Variants in NUDCD1 observed in about 807,000 individuals in gnomAD.
The protein encoded by NUDCD1 is nudC domain-containing protein 1.
Under a neutral mutation model 67.8 loss-of-function variants are expected in NUDCD1, and 60 were observed. The ratio of observed to expected loss-of-function variants is 0.88; its 90% CI spans 0.72 to 1.10. The LOEUF is 1.10. NUDCD1 is among the 50% of genes least tolerant of loss of function. NUDCD1 has a pLI of 0.00. For synonymous variants in NUDCD1, 244 were observed against 230.8 expected (o/e 1.06, Z -0.52); for missense variants, 643 against 695.0 (o/e 0.93, Z 0.84).
chr8:109,251,501 G>C (rs1813623613), intron 8 of NUDCD1, among the ~76,000 whole-genome samples: 1 of 152,020 alleles, frequency 6.6e-6, no homozygotes, highest in Non-Finnish European at 1.5e-5. Flanking sequence ...GTGAACTTTA[G>C]TAATTTTGCA....
intron 1 of NUDCD1, among the ~76,000 whole-genome samples, chr8:109,324,039 A>G (rs1358288836): frequency 6.6e-6 from 1 of 152,166 alleles, no homozygotes; most frequent in Non-Finnish European, 1.5e-5. Context: ...AGAAAAACAA[A>G]AAGACAAATG....
chr8:109,300,235 A>T (rs1452439894), intron 2 of NUDCD1, among the ~76,000 whole-genome samples: 4 of 152,180 alleles, frequency 2.6e-5, no homozygotes, highest in African/African-American at 9.7e-5. Flanking sequence ...CCAGCATTGA[A>T]TCCAAACCCA....
intron 8 of NUDCD1, among the ~76,000 whole-genome samples, chr8:109,259,142 C>T (rs993615379): frequency 6.6e-6 from 1 of 152,122 alleles, no homozygotes; most frequent in Non-Finnish European, 1.5e-5. Context: ...AAGCAAATAA[C>T]GCAAATAACC....
At chr8:109,296,043 G>A (rs1185330740) in intron 3 of NUDCD1, among the ~76,000 whole-genome samples, 2 of 152,112 alleles carry the variant, frequency 1.3e-5, no homozygotes, top group Non-Finnish European at 1.5e-5. Flanking sequence ...TGGCAGAGGA[G>A]AAAATCATCC....
At chr8:109,252,516 C>T (rs558701002) in intron 8 of NUDCD1, among the ~76,000 whole-genome samples, 1 of 152,228 alleles carries the variant, frequency 6.6e-6, no homozygotes, top group Admixed American at 6.5e-5. Context: ...CCCCTTTAAT[C>T]CAATTCTGAA....
At chr8:109,309,717 C>A (rs1815197769) in intron 2 of NUDCD1, among the ~76,000 whole-genome samples, 1 of 152,154 alleles carries the variant, frequency 6.6e-6, no homozygotes, top group Non-Finnish European at 1.5e-5. Flanking sequence ...CCTAAAGACT[C>A]CTCCAGAAAG....
intron 1 of NUDCD1, among the ~76,000 whole-genome samples, chr8:109,326,726 T>A (rs1193866542): frequency 6.6e-6 from 1 of 152,174 alleles, no homozygotes; most frequent in Non-Finnish European, 1.5e-5. Flanking sequence ...CCTCAAAACC[T>A]AGTTTTTCAC....
At chr8:109,296,724 A>C (rs957729964) in intron 2 of NUDCD1, among the ~76,000 whole-genome samples, 155 bp from the exon 3 acceptor site, 1 of 152,158 alleles carries the variant, frequency 6.6e-6, no homozygotes, top group African/African-American at 2.4e-5. Flanking sequence ...TTCAGTTTTA[A>C]CAAAAATATA....
chr8:109,257,902 G>A (rs1813775402), intron 8 of NUDCD1, among the ~76,000 whole-genome samples: 1 of 152,050 alleles, frequency 6.6e-6, no homozygotes, highest in African/African-American at 2.4e-5. Context: ...ACTGAGTCTT[G>A]CAGATAATGA....
At chr8:109,255,077 A>G (rs191541586) in intron 8 of NUDCD1, among the ~76,000 whole-genome samples, 39 of 152,326 alleles carry the variant, frequency 2.6e-4, no homozygotes, top group Admixed American at 1.2e-3. Flanking sequence ...ACTGGTAGCT[A>G]GAATTTAAAT....
At chr8:109,327,405 G>A (rs1815703984) in intron 1 of NUDCD1, among the ~76,000 whole-genome samples, 9 of 152,044 alleles carry the variant, frequency 5.9e-5, no homozygotes, top group Admixed American at 5.9e-4. Context: ...TCTAACTGTA[G>A]TGTAAATCTT....
chr8:109,278,766 T>C (rs1224394365), intron 6 of NUDCD1, among the ~76,000 whole-genome samples: 1 of 152,254 alleles, frequency 6.6e-6, no homozygotes, highest in Non-Finnish European at 1.5e-5. Context: ...TGTATGAATA[T>C]ACCACACGTA....
intron 2 of NUDCD1, among the ~76,000 whole-genome samples, chr8:109,297,445 T>C (rs112784455): frequency 4.4e-3 from 672 of 152,314 alleles, no homozygotes; most frequent in Non-Finnish European, 6.4e-3. Flanking sequence ...AAGTTAGGGC[T>C]TCTGATCATT....
intron 2 of NUDCD1, among the ~76,000 whole-genome samples, chr8:109,305,232 G>C (rs932763891): frequency 1.3e-5 from 2 of 152,126 alleles, no homozygotes; most frequent in South Asian, 4.1e-4. Context: ...AATACCTCTT[G>C]GTCTGGGTAG....
chr8:109,287,328 C>A (rs569839988), intron 5 of NUDCD1, among the ~76,000 whole-genome samples: 1 of 152,082 alleles, frequency 6.6e-6, no homozygotes, highest in Non-Finnish European at 1.5e-5. Flanking sequence ...CATAAAGACA[C>A]GTGTGCTAGT....
At chr8:109,307,122 C>T (rs1815125461) in intron 2 of NUDCD1, among the ~76,000 whole-genome samples, 1 of 152,178 alleles carries the variant, frequency 6.6e-6, no homozygotes, top group African/African-American at 2.4e-5. Context: ...TGAAGATCCA[C>T]AAAAGAAGTG....
intron 8 of NUDCD1, among the ~76,000 whole-genome samples, chr8:109,265,932 C>T (rs1813981663): frequency 6.6e-6 from 1 of 152,030 alleles, no homozygotes; most frequent in African/African-American, 2.4e-5. Context: ...GGATTGGGGA[C>T]CCCTGTCTTA....
chr8:109,256,519 T>C (rs1479474889), intron 8 of NUDCD1, among the ~76,000 whole-genome samples: 1 of 152,136 alleles, frequency 6.6e-6, no homozygotes, highest in Admixed American at 6.5e-5. Context: ...TAGACCATGG[T>C]AAGGACACTG....
At chr8:109,272,864 C>A (rs1425943262) in intron 7 of NUDCD1, among the ~76,000 whole-genome samples, 1 of 152,130 alleles carries the variant, frequency 6.6e-6, no homozygotes, top group South Asian at 2.1e-4. Flanking sequence ...GTAAAGGCAC[C>A]GCCAACAATC....
Sources: allele counts gnomAD v4.1 joint callset (sites outside exome capture counted in the v4.1 genomes callset), GRCh38; gene constraint gnomAD v4.1.1; transcripts MANE v1.5; gene names NCBI Gene and HGNC (gene_info 2026-07-23, HGNC 2026-07-21).